The following MSH4 variants were observed in gnomAD, a reference collection of about 807,000 sequenced individuals.
The protein encoded by MSH4 is mutS protein homolog 4.
Under a neutral mutation model 113.7 loss-of-function variants are expected in MSH4, and 106 were observed. That is an observed-to-expected ratio of 0.93 (90% CI 0.80 to 1.10). The LOEUF (loss-of-function observed/expected upper bound fraction) is 1.10. MSH4 is among the 50% of genes least tolerant of loss of function. The pLI is 0.00. For missense variants in MSH4, 1,061 were observed against 1,093.7 expected (o/e 0.97, Z 0.42); for synonymous variants, 368 against 380.2 (o/e 0.97, Z 0.37).
In MSH4 at chr1:75,889,272, A is replaced by G. The variant is rs1026735561; in HGVS notation, c.2129A>G (p.Tyr710Cys). The change falls in exon 16 of 20, where the codon TAT (tyrosine) becomes TGT (cysteine). Residue 710 changes from tyrosine (Y) to cysteine (C), a missense_variant. Tyr to Cys is a radical substitution (Grantham distance 194, BLOSUM62 -2). Transcript: ENST00000263187. ...AQIGSYVPAE[Y>C]SSFRIAKQIF... The stretch of plus-strand genomic sequence containing the variant: ...ACAGGATCATATGTTCCAGCAGAAT[A>G]TTCTTCCTTTAGAATTGCTAAACAG... 6.7e-7 allele frequency: 1 copy of G among 1,497,106 alleles called. No homozygotes were observed. Among genetic ancestry groups the G allele is most frequent in the African/African-American group, 1.4e-5 (1 of 71,518 alleles). 92.7% of individuals were successfully genotyped at this position (1,497,106 alleles called of 1,614,324 possible). A position where few individuals can be genotyped will look rare whatever the true frequency, so the allele number is the denominator to read the frequency against.
intron 18 of MSH4, among the ~76,000 whole-genome samples, chr1:75,898,520 A>ATT (rs35302747): frequency 0.11 from 15,018 of 141,494 alleles, 1,015 homozygotes; most frequent in East Asian, 0.26. Context: ...ACCAAACCAT[A>ATT]TTTTTTTTTT....
intron 9 of MSH4, among the ~76,000 whole-genome samples, chr1:75,874,934 C>T (rs549813829): frequency 1.2e-4 from 19 of 152,180 alleles, no homozygotes; most frequent in African/African-American, 4.6e-4. Context: ...ACTCTGTCAC[C>T]CAGGCTGGAG....
chr1:75,849,741 T>C (rs1443717773), intron 8 of MSH4, among the ~76,000 whole-genome samples: 2 of 152,202 alleles, frequency 1.3e-5, no homozygotes, highest in African/African-American at 2.4e-5. Context: ...AATTTTCTGG[T>C]AGAGTTTACA....
chr1:75,815,146 A>G lies in MSH4; in HGVS notation c.815+10A>G. The G allele has an allele frequency of 7.1e-7, 1 of 1,409,318 alleles. No individual in the cohort carries two copies. The allele number at this position is 1,409,318 out of a possible 1,614,324, so 87.3% of individuals were successfully genotyped here. On this transcript the variant is annotated intron_variant, in intron 5 of 19. Coordinates refer to ENST00000263187, the MANE Select transcript of MSH4 (RefSeq NM_002440.4). ...TGGAGGTTCAGTCCAAGTAAGTTAT[A>G]TATTTATTTATTTTTTTACTAGCCC...
intron 8 of MSH4, among the ~76,000 whole-genome samples, chr1:75,865,872 G>C (rs1432910598): frequency 6.6e-6 from 1 of 152,068 alleles, no homozygotes; most frequent in African/African-American, 2.4e-5. Context: ...TTTGTGTGTA[G>C]GTTGAGGGAA....
At chr1:75,808,936 T>A (rs1650127679) in intron 3 of MSH4, among the ~76,000 whole-genome samples, 2 of 152,154 alleles carry the variant, frequency 1.3e-5, no homozygotes, top group Admixed American at 6.6e-5. Flanking sequence ...ATTATTTTAT[T>A]TTATTTTTAA....
At chr1:75,802,554 A>G (rs755910569) in intron 1 of MSH4, among the ~76,000 whole-genome samples, 1 of 152,248 alleles carries the variant, frequency 6.6e-6, no homozygotes, top group African/African-American at 2.4e-5. Context: ...TAAAAATTTT[A>G]TGACAATCCT....
intron 9 of MSH4, among the ~76,000 whole-genome samples, chr1:75,870,021 C>G (rs1348402241): frequency 2.0e-5 from 3 of 152,160 alleles, no homozygotes; most frequent in Non-Finnish European, 4.4e-5. Flanking sequence ...GGGGCTGTAC[C>G]CTGCAAAGGC....
At chr1:75,816,736 T>C (rs1405561571) in intron 6 of MSH4, among the ~76,000 whole-genome samples, 190 bp downstream of exon 6, 2 of 152,072 alleles carry the variant, frequency 1.3e-5, no homozygotes, top group Non-Finnish European at 2.9e-5. Context: ...AAGCAATTCT[T>C]CTGTCTCAGC....
At chr1:75,868,035 C>T (rs1651627020) in intron 9 of MSH4, among the ~76,000 whole-genome samples, 1 of 151,934 alleles carries the variant, frequency 6.6e-6, no homozygotes, top group Admixed American at 6.6e-5. Context: ...TTTTTTAAAA[C>T]TCCTTTGAAG....
chr1:75,821,507 A>G (rs1317571237), intron 6 of MSH4, among the ~76,000 whole-genome samples: 1 of 152,214 alleles, frequency 6.6e-6, no homozygotes, highest in African/African-American at 2.4e-5. Flanking sequence ...TAGAGAAGCA[A>G]GAGCAAACAC....
chr1:75,900,290 T>G (rs1278753751), intron 19 of MSH4, among the ~76,000 whole-genome samples: 1 of 151,662 alleles, frequency 6.6e-6, no homozygotes, highest in Non-Finnish European at 1.5e-5. Context: ...TTTTTGGTTT[T>G]GGGGTTTTGT....
intron 14 of MSH4, among the ~76,000 whole-genome samples, chr1:75,881,687 C>G (rs1304605237): frequency 2.6e-5 from 4 of 152,082 alleles, no homozygotes; most frequent in African/African-American, 7.2e-5. Context: ...AAGTTCAAAT[C>G]TGAATACTTA....
intron 7 of MSH4, among the ~76,000 whole-genome samples, chr1:75,836,090 A>G (rs1338075274): frequency 6.6e-6 from 1 of 152,178 alleles, no homozygotes; most frequent in Non-Finnish European, 1.5e-5. Context: ...GTGTGAAGAT[A>G]TGAAAGCCTA....
At chr1:75,870,304 G>A (rs111351325) in intron 9 of MSH4, among the ~76,000 whole-genome samples, 33,659 of 152,116 alleles carry the variant, frequency 0.22, 4,380 homozygotes, top group Middle Eastern at 0.35. Flanking sequence ...GAAGGGACTT[G>A]CCTTGTCTCA....
At chr1:75,861,871 C>A (rs1424952700) in intron 8 of MSH4, among the ~76,000 whole-genome samples, 1 of 152,136 alleles carries the variant, frequency 6.6e-6, no homozygotes, top group African/African-American at 2.4e-5. Flanking sequence ...GCCCTGCCCC[C>A]AGAGGTGGAA....
At chr1:75,862,741 G>C (rs1355677606) in intron 8 of MSH4, among the ~76,000 whole-genome samples, 1 of 152,058 alleles carries the variant, frequency 6.6e-6, no homozygotes, top group Non-Finnish European at 1.5e-5. Context: ...ACTAAGTTCA[G>C]ACTTGTGCTG....
intron 1 of MSH4, among the ~76,000 whole-genome samples, chr1:75,802,061 C>T (rs953506630): frequency 1.3e-5 from 2 of 151,172 alleles, no homozygotes; most frequent in African/African-American, 4.9e-5. Context: ...CCCAGCTACT[C>T]GGGAGGGTGA....
intron 14 of MSH4, 132 bp from the exon 15 acceptor site, chr1:75,883,489 T>C: frequency 2.9e-6 from 2 of 691,836 alleles, no homozygotes; most frequent in East Asian, 2.8e-5. Flanking sequence ...TGGGATAATA[T>C]AGTACCTTAA....
Sources: gnomAD v4.1 joint callset for allele counts (sites outside exome capture counted in the v4.1 genomes callset) on GRCh38, gnomAD v4.1.1 for gene constraint, MANE v1.5 for transcripts, NCBI Gene and HGNC (gene_info 2026-07-23, HGNC 2026-07-21) for gene names.